CRB1: variants seen among roughly 807,000 people sequenced by gnomAD.
CRB1 encodes crumbs cell polarity complex component 1, also known as protein crumbs homolog 1.
In CRB1, 83 loss-of-function variants were observed where a neutral mutation model predicts 120.0. The ratio of observed to expected loss-of-function variants is 0.69; its 90% CI spans 0.58 to 0.83. The LOEUF is 0.83. CRB1 is among the 40% of genes least tolerant of loss of function. The pLI, the probability that CRB1 is intolerant of heterozygous loss-of-function variation, is 0.00. For synonymous variants in CRB1, 625 were observed against 612.5 expected, an observed-to-expected ratio of 1.02 and a Z score of -0.30; for missense variants, 1,699 against 1,687.6, an observed-to-expected ratio of 1.01 and a Z score of -0.12.
chr1:197,324,904 G>A (rs1658408061), intron 1 of CRB1, among the ~76,000 whole-genome samples: 1 of 152,124 alleles, frequency 6.6e-6, no homozygotes, highest in South Asian at 2.1e-4. Flanking sequence ...TTAAGACAAC[G>A]TGTACAGTAG....
chr1:197,450,957 C>CAAAAAAAAAAAAAAA (rs11288525), intron 11 of CRB1, among the ~76,000 whole-genome samples: 2 of 56,628 alleles, frequency 3.5e-5, no homozygotes, highest in Non-Finnish European at 6.1e-5. Context: ...GACTCCGTCC[C>CAAAAAAAAAAAAAAA]AAAAAAAAAA....
At chr1:197,451,001 AG>A (rs1665946473) in intron 11 of CRB1, among the ~76,000 whole-genome samples, 1 of 150,880 alleles carries the variant, frequency 6.6e-6, no homozygotes, top group Non-Finnish European at 1.5e-5. Context: ...AATAAGACAA[AG>A]GGATAGAATT....
chr1:197,453,967 TTAA>T (rs200686708), intron 11 of CRB1, among the ~76,000 whole-genome samples: 9,389 of 132,146 alleles, frequency 0.071, 1,315 homozygotes, highest in African/African-American at 0.25. Context: ...TATTATATTA[TTAA>T]TAATATATAT....
At chr1:197,226,115 C>G in the CRB1 span, among the ~76,000 whole-genome samples, 2,699 of 152,108 alleles carry the variant, frequency 0.018, 90 homozygotes, top group African/African-American at 0.062. Flanking sequence ...CGCCATGTTG[C>G]CCAGGCTGGT....
At chr1:197,255,248 G>T in the CRB1 span, among the ~76,000 whole-genome samples, 1 of 151,896 alleles carries the variant, frequency 6.6e-6, no homozygotes, top group Admixed American at 6.6e-5. Context: ...ACACTTTGAT[G>T]GAAAAATAGG....
At chr1:197,362,781 G>A (rs1660842350) in intron 5 of CRB1, among the ~76,000 whole-genome samples, 1 of 151,902 alleles carries the variant, frequency 6.6e-6, no homozygotes, top group African/African-American at 2.4e-5. Flanking sequence ...TGATTTTCTT[G>A]TAAACAGTAT....
chr1:197,255,922 A>G, the CRB1 span, among the ~76,000 whole-genome samples: 1 of 146,024 alleles, frequency 6.8e-6, no homozygotes, highest in Non-Finnish European at 1.5e-5. Flanking sequence ...GGCCATTCCC[A>G]ACAGCATTCA....
At chr1:197,353,163 C>T (rs1043204525) in intron 4 of CRB1, among the ~76,000 whole-genome samples, 14 of 152,096 alleles carry the variant, frequency 9.2e-5, no homozygotes, top group African/African-American at 3.4e-4. Context: ...ATAAGGGGAT[C>T]TTATTTATAT....
chr1:197,405,917 C>T (rs945579977), intron 5 of CRB1, among the ~76,000 whole-genome samples: 1 of 151,444 alleles, frequency 6.6e-6, no homozygotes, highest in Admixed American at 6.6e-5. Context: ...GGGGTCAGCC[C>T]CCGCCAGGCC....
At chr1:197,342,406 C>G (rs1285061135) in intron 2 of CRB1, among the ~76,000 whole-genome samples, 3 of 152,164 alleles carry the variant, frequency 2.0e-5, no homozygotes, top group African/African-American at 7.2e-5. Context: ...TCTAAACATT[C>G]TTGTTTTTGA....
intron 5 of CRB1, among the ~76,000 whole-genome samples, chr1:197,369,174 A>T (rs1359066749): frequency 1.3e-5 from 2 of 152,060 alleles, no homozygotes; most frequent in Non-Finnish European, 2.9e-5. Context: ...ACTACCCAAG[A>T]TCCCAAAATG....
At chr1:197,370,022 T>A (rs1661286557) in intron 5 of CRB1, among the ~76,000 whole-genome samples, 1 of 152,066 alleles carries the variant, frequency 6.6e-6, no homozygotes, top group African/African-American at 2.4e-5. Context: ...CCATCCTCAT[T>A]CAGAATTTTG....
intron 5 of CRB1, chr1:197,357,281 G>A: frequency 2.0e-6 from 1 of 502,528 alleles, no homozygotes; most frequent in Non-Finnish European, 3.6e-6. Flanking sequence ...TGCATCTCAA[G>A]TTCTTTACGT....
chr1:197,473,568 A>G (rs1407077934), intron 11 of CRB1, among the ~76,000 whole-genome samples: 1 of 152,144 alleles, frequency 6.6e-6, no homozygotes, highest in Non-Finnish European at 1.5e-5. Context: ...ACATTTTTTA[A>G]AAGATGTTAA....
chr1:197,404,025 T>C (rs1435366720), intron 5 of CRB1, among the ~76,000 whole-genome samples: 1 of 152,198 alleles, frequency 6.6e-6, no homozygotes, highest in East Asian at 1.9e-4. Flanking sequence ...GTTTCACAGA[T>C]ACTTCAAACC....
At chr1:197,274,346 A>G (rs1323890895) in intron 1 of CRB1, among the ~76,000 whole-genome samples, 1 of 152,170 alleles carries the variant, frequency 6.6e-6, no homozygotes, top group Non-Finnish European at 1.5e-5. Context: ...TTCCAAAACT[A>G]CTTAGGTGAA....
chr1:197,413,831 G>A (rs546901853), intron 5 of CRB1: 93 of 437,492 alleles, frequency 2.1e-4, no homozygotes, highest in South Asian at 9.9e-4. Context: ...CTCTACCTGC[G>A]AGAAAGAGGT....
At chr1:197,410,460 T>C (rs78589436) in intron 5 of CRB1, among the ~76,000 whole-genome samples, 3,722 of 152,272 alleles carry the variant, frequency 0.024, 68 homozygotes, top group Middle Eastern at 0.078. Flanking sequence ...AATCTAACTA[T>C]GTTTTTAAGC....
chr1:197,440,913 T>G (rs541726724), intron 10 of CRB1: 7 of 152,246 alleles, frequency 4.6e-5, no homozygotes, highest in African/African-American at 1.7e-4. Context: ...CAGAGAAGTC[T>G]CCCTCCAGTC....
Sources: allele counts gnomAD v4.1 joint callset (sites outside exome capture counted in the v4.1 genomes callset), GRCh38; gene constraint gnomAD v4.1.1; transcripts MANE v1.5; gene names NCBI Gene and HGNC (gene_info 2026-07-23, HGNC 2026-07-21).